RUNDC1: variants seen among roughly 807,000 people sequenced by gnomAD.
RUNDC1 encodes the protein RUN domain-containing protein 1.
Under a neutral mutation model 49.3 loss-of-function variants are expected in RUNDC1, and 31 were observed. The ratio of observed to expected loss-of-function variants is 0.63; its 90% confidence interval spans 0.47 to 0.85. The LOEUF is 0.85. Ranked by LOEUF, RUNDC1 falls within the 40% of genes least tolerant of loss-of-function variation. RUNDC1 has a pLI of 0.00. For synonymous variants in RUNDC1, 347 were observed against 348.6 expected (o/e 1.00, Z 0.05); for missense variants, 715 against 806.7 (o/e 0.89, Z 1.38).
chr17:42,981,975 G>A (rs1003015025), intron 1 of RUNDC1: 1 of 129,748 alleles, frequency 7.7e-6, no homozygotes, highest in African/African-American at 2.9e-5. Context: ...GAAGTGTTGA[G>A]GTACACTGCC....
chr17:42,984,877 TTTTC>T, intron 1 of RUNDC1, among the ~76,000 whole-genome samples: 1 of 147,814 alleles, frequency 6.8e-6, no homozygotes, highest in Admixed American at 7.2e-5. Context: ...TTCTTTTTCT[TTTTC>T]TTTCTTTCTT....
rs1387243005 is a variant in RUNDC1, at chr17:42,992,981, A to G, written c.*1265A>G. ...CTGCTCACCTCCCAACAAGACTAAC[A>G]GTCTTTTTAGAAGTAAATATATTCA... On this transcript the variant is annotated 3_prime_UTR_variant, in exon 5 of 5. Transcript: ENST00000361677. 2.0e-5 allele frequency: 3 copies of G among 152,246 alleles called. No homozygotes were observed. The highest frequency in any genetic ancestry group is 4.4e-5 in the Non-Finnish European group (3 of 68,052). 9.4% of individuals were successfully genotyped at this position (152,246 alleles called of 1,614,324 possible).
chr17:42,990,331 C>G lies in RUNDC1; in HGVS notation c.871C>G (p.Pro291Ala). ...TCTGATTCCAGATGAAGTGGGAAGCCCCTTGCAGACAGGTGGTGGACACTG... is the reference window on the plus strand; with the variant it reads ...TCTGATTCCAGATGAAGTGGGAAGCGCCTTGCAGACAGGTGGTGGACACTG... Reference protein sequence around the residue: ...INFIQDEVGSPLQTGGGHCEC... With the variant: ...INFIQDEVGSALQTGGGHCEC... Residue 291 changes from proline (P) to alanine (A), a missense_variant, in exon 4 of 5, where the codon CCC (proline) becomes GCC (alanine). Physicochemically the swap from Pro to Ala is conservative, Grantham distance 27. Coordinates refer to ENST00000361677, the MANE Select transcript of RUNDC1 (RefSeq NM_173079.5). 6.2e-7 allele frequency: 1 copy of G among 1,613,942 alleles called. No individual in the cohort carries two copies. Among genetic ancestry groups the G allele is most frequent in the Non-Finnish European group, 8.5e-7 (1 of 1,179,956 alleles).
chr17:42,989,954 T>C (rs323496), intron 3 of RUNDC1, among the ~76,000 whole-genome samples: 29,373 of 152,110 alleles, frequency 0.19, 2,991 homozygotes, highest in South Asian at 0.23. Context: ...CAATTCTTGA[T>C]GTACTATTTA....
chr17:42,982,721 C>G (rs1293757242), intron 1 of RUNDC1, among the ~76,000 whole-genome samples: 2 of 151,820 alleles, frequency 1.3e-5, no homozygotes, highest in African/African-American at 4.8e-5. Context: ...CGCCTGTAAT[C>G]CTAGCACTTT....
In RUNDC1 at chr17:42,991,942, CG is replaced by C. The variant is rs2050249741; in HGVS notation, c.*228del. On this transcript the variant is annotated 3_prime_UTR_variant, in exon 5 of 5. Transcript: ENST00000361677. ...TAAGAAGGTTCTGCCAGGCCGGGCG[CG>C]GTGGCTCACACCTGTAATCCCAGCA... 1.9e-6 allele frequency: 1 copy of C among 524,722 alleles called. No individual in the cohort carries two copies. The highest frequency in any genetic ancestry group is 1.9e-5 in the African/African-American group (1 of 52,334). 32.5% of individuals were successfully genotyped at this position (524,722 alleles called of 1,614,324 possible). A position where few individuals can be genotyped will look rare whatever the true frequency, so the allele number is the denominator to read the frequency against.
At chr17:42,988,715 G>A (rs323499) in intron 2 of RUNDC1, among the ~76,000 whole-genome samples, 142,286 of 152,188 alleles carry the variant, frequency 0.93, 67,271 homozygotes, top group East Asian at 1. Context: ...GCAGTGGCTC[G>A]TGCCTGTAAT....
At chr17:42,986,316 T>A (rs1267389223) in intron 1 of RUNDC1, among the ~76,000 whole-genome samples, 4 of 151,998 alleles carry the variant, frequency 2.6e-5, no homozygotes, top group Non-Finnish European at 5.9e-5. Flanking sequence ...GAAGTCTCAC[T>A]GTGTTGCCCA....
intron 1 of RUNDC1, among the ~76,000 whole-genome samples, chr17:42,982,730 T>C (rs1185988841): frequency 1.3e-5 from 2 of 151,586 alleles, no homozygotes; most frequent in Non-Finnish European, 2.9e-5. Context: ...TCCTAGCACT[T>C]TGGGAGGCCA....
Position 42,991,671 on chromosome 17 carries a change from A to G in RUNDC1, c.1797A>G (p.Val599=), listed in dbSNP as rs2050245436. Reference sequence around the variant, plus strand: ...GCAGCCTCAAGTTTAGCCTCCCTGTAGATCTGGCTGTGCGCCAGCTCAAAA... The same window carrying G: ...GCAGCCTCAAGTTTAGCCTCCCTGTGGATCTGGCTGTGCGCCAGCTCAAAA... ...RLSSLKFSLP[V]DLAVRQLKNI... is the part of the protein sequence containing the mutation. The change falls in exon 5 of 5, where the codon GTA becomes GTG. Residue 599 remains valine (V), a synonymous_variant. Transcript: ENST00000361677. 6.2e-7 allele frequency: 1 copy of G among 1,613,918 alleles called. No homozygotes were observed. Among genetic ancestry groups the G allele is most frequent in the South Asian group, 1.1e-5 (1 of 91,074 alleles).
intron 1 of RUNDC1, among the ~76,000 whole-genome samples, chr17:42,986,417 C>T (rs959650619): frequency 4.6e-5 from 7 of 151,946 alleles, no homozygotes; most frequent in Admixed American, 6.6e-5. Flanking sequence ...ACTCCTGGTG[C>T]GTTTGATTCT....
Position 42,989,498 on chromosome 17 carries a change from C to T in RUNDC1, c.815C>T (p.Thr272Ile), listed in dbSNP as rs1417043439. The change falls in exon 3 of 5, where the codon ACT (threonine) becomes ATT (isoleucine). Residue 272 changes from threonine to isoleucine, a missense_variant. Coordinates refer to ENST00000361677, the MANE Select transcript of RUNDC1 (RefSeq NM_173079.5). ...GAACAGTTGGTTGAGCAACTGAAAA[C>T]TCAGATCCGAGACCTTGAGATGTTT... is the stretch of plus-strand genomic sequence containing the variant. ...VKEQLVEQLK[T>I]QIRDLEMFIN... The T allele has an allele frequency of 2.5e-6, 4 of 1,614,180 alleles. No homozygotes were observed. The highest frequency in any genetic ancestry group is 3.4e-6 in the Non-Finnish European group (4 of 1,180,036).
rs770339301 is a variant in RUNDC1 at position 42,980,592 on chromosome 17, G to A, written c.16G>A (p.Ala6Thr). Residue 6 changes from alanine (A) to threonine (T), a missense_variant, in exon 1 of 5, where the codon GCG becomes ACG. By Grantham distance (58) the Ala-to-Thr change is moderately conservative (BLOSUM62 0). Around this residue, in one of 5 missense-constraint regions of RUNDC1, gnomAD observed 153 missense variants for 139.4 expected, o/e 1.10. Coordinates refer to ENST00000361677, the MANE Select transcript of RUNDC1 (RefSeq NM_173079.5). ...TTCCGGGAAGATGGCGGCTGTCGAA[G>A]CGGCTGCAGAGCCGGTAACGGTGGT... MAAVE[A>T]AAEPVTVVAA... The A allele has an allele frequency of 2.2e-5, 36 of 1,609,708 alleles. 1 individual carries two copies. In the South Asian group the frequency reaches 3.2e-4, roughly 14 times the overall value.
rs374211263 is a variant in RUNDC1, at chr17:42,981,896, A to C, written c.498+822A>C. 14 of 152,268 alleles carry C rather than the reference A, an allele frequency of 9.2e-5. No homozygotes were observed. The East Asian group carries it at 1.2e-3, about 13-fold the overall frequency. The allele number at this position is 152,268 out of a possible 1,614,324, so 9.4% of individuals were successfully genotyped here. On this transcript the variant is annotated intron_variant, in intron 1 of 4. Transcript: ENST00000361677. ...CCCCAGAAGTAGTGAAACTATGTAT[A>C]AGACACCAGGTAAACGTTTCCTTAC... is the stretch of plus-strand genomic sequence containing the variant.
Position 42,981,021 on chromosome 17 carries a change from G to C in RUNDC1, c.445G>C (p.Asp149His). The C allele has an allele frequency of 6.4e-7, 1 of 1,553,588 alleles. No homozygotes were observed. Among genetic ancestry groups the C allele is most frequent in the Non-Finnish European group, 8.6e-7 (1 of 1,156,584 alleles). ...GYEGPGDPAS[D>H]EGDGLPGDRP... is the part of the protein sequence containing the mutation. ...CGAAGGGCCCGGCGACCCCGCCAGC[G>C]ATGAGGGCGATGGGCTGCCAGGGGA... Residue 149 changes from aspartate to histidine, a missense_variant, in exon 1 of 5, where the codon GAT becomes CAT. Around this residue, in one of 5 missense-constraint regions of RUNDC1, gnomAD observed 113 missense variants for 93.4 expected, o/e 1.21. Coordinates refer to ENST00000361677, the MANE Select transcript of RUNDC1 (RefSeq NM_173079.5).
intron 1 of RUNDC1, among the ~76,000 whole-genome samples, chr17:42,984,069 A>G (rs571881418): frequency 6.6e-6 from 1 of 152,066 alleles, no homozygotes; most frequent in East Asian, 1.9e-4. Context: ...TCCTGGGCTC[A>G]ATCCATCCTC....
chr17:42,984,695 A>G (rs2050146511), intron 1 of RUNDC1, among the ~76,000 whole-genome samples: 1 of 152,154 alleles, frequency 6.6e-6, no homozygotes, highest in Non-Finnish European at 1.5e-5. Context: ...AGAGTTCAAC[A>G]GACTTGGTCA....
chr17:42,985,075 C>T (rs375833833), intron 1 of RUNDC1, among the ~76,000 whole-genome samples: 69 of 151,610 alleles, frequency 4.6e-4, no homozygotes, highest in Non-Finnish European at 7.8e-4. Context: ...TTTGTAGAGA[C>T]GGGGTTCCAC....
At chr17:42,983,910 G>A (rs187494206) in intron 1 of RUNDC1, among the ~76,000 whole-genome samples, 5 of 151,864 alleles carry the variant, frequency 3.3e-5, no homozygotes, top group African/African-American at 1.2e-4. Context: ...GGCCTCGAAC[G>A]CCTGACCTCA....
Sources: allele counts gnomAD v4.1 joint callset (sites outside exome capture counted in the v4.1 genomes callset), GRCh38; gene constraint gnomAD v4.1.1; regional missense constraint gnomAD v4.1.1; transcripts MANE v1.5; gene names NCBI Gene and HGNC (gene_info 2026-07-23, HGNC 2026-07-21).